The following TRPM5 variants were observed in gnomAD, a reference collection of about 807,000 sequenced individuals.
The protein encoded by TRPM5 is MLSN1 and TRP-related.
A neutral mutation model predicts 124.9 loss-of-function variants in TRPM5; 121 were observed. The ratio of observed to expected loss-of-function variants is 0.97; its 90% CI spans 0.84 to 1.13. The LOEUF (loss-of-function observed/expected upper bound fraction) is 1.13, where lower values mean the gene tolerates loss of function less well. TRPM5 is among the 50% of genes most tolerant of loss of function. The pLI, the probability that TRPM5 is intolerant of heterozygous loss-of-function variation, is 0.00. For missense variants in TRPM5, 1,643 were observed against 1,589.1 expected, an observed-to-expected ratio of 1.03 and a Z score of -0.58; for synonymous variants, 781 against 700.5, an observed-to-expected ratio of 1.11 and a Z score of -1.81.
chr11:2,430,702 T>A, the TRPM5 span, among the ~76,000 whole-genome samples: 1 of 151,286 alleles, frequency 6.6e-6, no homozygotes, highest in Admixed American at 6.6e-5. Context: ...ATGGAGGCGG[T>A]GTTGGTGTTG....
chr11:2,442,551 T>C, the TRPM5 span, among the ~76,000 whole-genome samples: 26 of 152,184 alleles, frequency 1.7e-4, no homozygotes, highest in East Asian at 3.7e-3. This position sits in a 1 kb window ranked among gnomAD's most constrained non-coding sequence, Gnocchi z 5.9. Flanking sequence ...TTTGCTAATA[T>C]AAAAAATGCT....
At chr11:2,418,497 C>T (rs1589873617) in intron 5 of TRPM5, 30 bp downstream of exon 10, 1 of 1,600,076 alleles carries the variant, frequency 6.2e-7, no homozygotes, top group African/African-American at 1.3e-5. Context: ...AAGGCTTCGG[C>T]CAGCCAGGGG....
upstream of TRPM5, among the ~76,000 whole-genome samples, chr11:2,423,852 G>T (rs996285205): frequency 6.6e-6 from 1 of 152,326 alleles, no homozygotes. Flanking sequence ...CTCCGCCCCT[G>T]CCCACAGCCT....
At chr11:2,426,465 C>T (rs1463135586), upstream of TRPM5, among the ~76,000 whole-genome samples, 3 of 152,092 alleles carry the variant, frequency 2.0e-5, no homozygotes, top group African/African-American at 4.8e-5. Flanking sequence ...GCAGGGAGCC[C>T]GGGACAGCCA....
the TRPM5 span, among the ~76,000 whole-genome samples, chr11:2,428,234 G>A: frequency 1.3e-5 from 2 of 152,206 alleles, no homozygotes; most frequent in African/African-American, 4.8e-5. The surrounding 1 kb of genome is among the most constrained non-coding windows in gnomAD (Gnocchi z 4.0). Flanking sequence ...GAGCCTGGGG[G>A]ATACCTCTGT....
At chr11:2,444,277 G>A in the TRPM5 span, among the ~76,000 whole-genome samples, 1 of 152,104 alleles carries the variant, frequency 6.6e-6, no homozygotes, top group South Asian at 2.1e-4. Flanking sequence ...CAGTGATCGC[G>A]GGGCCAGCAC....
chr11:2,406,690 C>G lies in TRPM5; in HGVS notation c.3222G>C (p.Glu1074Asp), dbSNP rs200235283. Reference sequence around the variant, plus strand: ...GGGCGGTTTTCCGCAGCACCTCCCCCTCGCTGTCCCTCCTCCGCTTCTCCA... The same window carrying G: ...GGGCGGTTTTCCGCAGCACCTCCCCGTCGCTGTCCCTCCTCCGCTTCTCCA... Residue 1074 changes from glutamate (E) to aspartate (D), a missense_variant, in exon 21 of 24, where the codon GAG (glutamate) becomes GAC (aspartate). Physicochemically the swap from Glu to Asp is conservative, Grantham distance 45. Coordinates refer to ENST00000155858, the Ensembl canonical transcript of TRPM5. 18 of 1,613,032 alleles carry G rather than the reference C, an allele frequency of 1.1e-5. No homozygotes were observed. The African/African-American group carries it at 1.9e-4, about 17-fold the overall frequency.
At chr11:2,410,953 ATG>A (rs1251324499) in intron 18 of TRPM5, among the ~76,000 whole-genome samples, 1 of 152,092 alleles carries the variant, frequency 6.6e-6, no homozygotes, top group African/African-American at 2.4e-5. Flanking sequence ...ACCCCGGATG[ATG>A]GCTGGGACAG....
At chr11:2,409,692 G>A (rs2133504984) in intron 18 of TRPM5, among the ~76,000 whole-genome samples, 1 of 152,286 alleles carries the variant, frequency 6.6e-6, no homozygotes, top group East Asian at 1.9e-4. Flanking sequence ...CAACCTGAAG[G>A]GCCCAGATAC....
chr11:2,432,372 G>T, the TRPM5 span, among the ~76,000 whole-genome samples: 1 of 152,206 alleles, frequency 6.6e-6, no homozygotes, highest in African/African-American at 2.4e-5. Context: ...CTCCAACAGG[G>T]CCCAGCCCCT....
chr11:2,430,846 T>TGGTGGTGATGGA, the TRPM5 span, among the ~76,000 whole-genome samples: 1 of 147,848 alleles, frequency 6.8e-6, no homozygotes, highest in Non-Finnish European at 1.5e-5. Context: ...GTGGTTTTGG[T>TGGTGGTGATGGA]GGTGGTGATG....
the TRPM5 span, among the ~76,000 whole-genome samples, chr11:2,428,505 CATG>C: frequency 6.9e-6 from 1 of 144,674 alleles, no homozygotes; most frequent in South Asian, 2.3e-4. This position sits in a 1 kb window ranked among gnomAD's most constrained non-coding sequence, Gnocchi z 4.0. Context: ...TATTGATGGT[CATG>C]ATGGTGGTGG....
chr11:2,412,723 G>GGA (rs1320080668), intron 15 of TRPM5, 31 bp downstream of exon 20: 1 of 1,550,842 alleles, frequency 6.4e-7, no homozygotes, highest in East Asian at 2.3e-5. Flanking sequence ...GCTGCAGAGT[G>GGA]GAGGGGACCT....
chr11:2,405,547 G>T (rs868052825), exon 23 of TRPM5: 1 of 1,564,782 alleles, frequency 6.4e-7, no homozygotes, highest in South Asian at 1.2e-5. Flanking sequence ...GCCACCCTGG[G>T]CCAGCACGTC....
intron 7 of TRPM5, among the ~76,000 whole-genome samples, chr11:2,416,513 A>G (rs1845683724): frequency 1.3e-5 from 2 of 152,164 alleles, no homozygotes; most frequent in Non-Finnish European, 1.5e-5. Flanking sequence ...CTCGCACGTG[A>G]GGCTCACCAG....
chr11:2,410,430 A>AT (rs56020358), intron 18 of TRPM5, among the ~76,000 whole-genome samples: 1 of 151,916 alleles, frequency 6.6e-6, no homozygotes, highest in Non-Finnish European at 1.5e-5. Context: ...CCGCCTGAGC[A>AT]GTTTCCCTGC....
At chr11:2,420,296 C>G in exon 4 of TRPM5, 1 of 1,612,612 alleles carries the variant, frequency 6.2e-7, no homozygotes, top group Non-Finnish European at 8.5e-7. Flanking sequence ...ATCGCCCTTC[C>G]CCGGGGGGCC....
At chr11:2,414,652 G>A (rs942564328) in intron 11 of TRPM5, 63 bp downstream of exon 16, 92 of 1,475,680 alleles carry the variant, frequency 6.2e-5, no homozygotes, top group Middle Eastern at 4.9e-4. Context: ...AGGACCCTTC[G>A]TCCGACCCCT....
intron 22 of TRPM5, 85 bp from the exon 28 acceptor site, chr11:2,405,678 G>A: frequency 7.0e-7 from 1 of 1,420,326 alleles, no homozygotes; most frequent in Non-Finnish European, 9.7e-7. Context: ...CCCCTCTCCT[G>A]CCAGGGCCCC....
Sources: allele counts gnomAD v4.1 joint callset (sites outside exome capture counted in the v4.1 genomes callset), GRCh38; gene constraint gnomAD v4.1.1; non-coding constraint Gnocchi (gnomAD v3.1); transcripts MANE v1.5; gene names NCBI Gene and HGNC (gene_info 2026-07-23, HGNC 2026-07-21).